The following DNAH6 variants were observed in gnomAD, a reference collection of about 807,000 sequenced individuals.
DNAH6 encodes dynein axonemal heavy chain 6, also known as axonemal beta dynein heavy chain 6.
A neutral mutation model predicts 491.4 loss-of-function variants in DNAH6; 340 were observed. That is an observed-to-expected ratio of 0.69 (90% confidence interval 0.63 to 0.76). DNAH6 has a LOEUF of 0.76. Ranked by LOEUF, DNAH6 falls within the 30% of genes least tolerant of loss-of-function variation. The pLI, the probability that DNAH6 is intolerant of heterozygous loss-of-function variation, is 0.00. For missense variants in DNAH6, 4,443 were observed against 4,972.2 expected (o/e 0.89, Z 3.20); for synonymous variants, 1,603 against 1,686.1 (o/e 0.95, Z 1.21).
chr2:84,483,825 C>T, the DNAH6 span, among the ~76,000 whole-genome samples: 2 of 152,042 alleles, frequency 1.3e-5, no homozygotes, highest in African/African-American at 2.4e-5. Context: ...TATTGTTGGG[C>T]GGGAAGTCCA....
chr2:84,811,796 G>A (rs1680003553), intron 72 of DNAH6, among the ~76,000 whole-genome samples: 1 of 151,656 alleles, frequency 6.6e-6, no homozygotes, highest in Non-Finnish European at 1.5e-5. Context: ...AGGAGGAGGA[G>A]GTTGCAGTGA....
intron 63 of DNAH6, among the ~76,000 whole-genome samples, chr2:84,761,321 G>T (rs1259004531): frequency 6.6e-6 from 1 of 151,764 alleles, no homozygotes; most frequent in Non-Finnish European, 1.5e-5. Flanking sequence ...GACTCAGAGG[G>T]GTGAGAAGGT....
chr2:84,654,949 A>G (rs1289155740), intron 35 of DNAH6, among the ~76,000 whole-genome samples, 167 bp downstream of exon 35: 1 of 151,632 alleles, frequency 6.6e-6, no homozygotes, highest in African/African-American at 2.4e-5. Flanking sequence ...GAATGTTTAT[A>G]TACTCCCCAA....
intron 58 of DNAH6, 123 bp downstream of exon 58, chr2:84,715,750 C>A (rs1203873438): frequency 2.0e-5 from 17 of 866,300 alleles, no homozygotes; most frequent in African/African-American, 1.0e-4. Context: ...AACCCTTAAT[C>A]AAAAAAAAAT....
the DNAH6 span, among the ~76,000 whole-genome samples, chr2:84,509,004 G>A: frequency 6.6e-6 from 1 of 152,102 alleles, no homozygotes; most frequent in East Asian, 1.9e-4. Context: ...GGTCAATTTT[G>A]GAATAAGTGC....
At chr2:84,553,915 C>G (rs1418199975) in intron 10 of DNAH6, among the ~76,000 whole-genome samples, 1 of 152,148 alleles carries the variant, frequency 6.6e-6, no homozygotes, top group East Asian at 1.9e-4. Flanking sequence ...TTCTGTAGGT[C>G]AGGAGCTTCA....
At chr2:84,584,282 CTA>C (rs765566092) in intron 15 of DNAH6, 32 bp downstream of exon 15, 6 of 1,600,286 alleles carry the variant, frequency 3.7e-6, no homozygotes, top group Non-Finnish European at 5.1e-6. Context: ...TAAAAATAAT[CTA>C]TGCAAAGTTT....
At chr2:84,787,709 A>G (rs754860283) in intron 68 of DNAH6, among the ~76,000 whole-genome samples, 13 of 152,238 alleles carry the variant, frequency 8.5e-5, no homozygotes, top group Admixed American at 2.0e-4. Flanking sequence ...GAACCCAAAC[A>G]GTGTAGCCTC....
Position 84,787,180 on chromosome 2 carries a change from G to C in DNAH6, c.11117G>C (p.Gly3706Ala), listed in dbSNP as rs1677282073. The change falls in exon 68 of 77, where the codon GGC becomes GCC. Residue 3706 changes from glycine to alanine, a missense_variant. Around this residue, in one of 3 missense-constraint regions of DNAH6, gnomAD observed 1,463 missense variants for 1,656.6 expected, o/e 0.88. Coordinates refer to ENST00000389394, the MANE Select transcript of DNAH6 (RefSeq NM_001370.2). ...TCATTTTAGGAGAGAAAGAAGTTTG[G>C]CCCCCTTGGTTGGAATATCTGCTAT... ...HAIIQERKKF[G>A]PLGWNICYEF... 1.3e-6 allele frequency: 2 copies of C among 1,515,014 alleles called. No homozygotes were observed. The highest frequency in any genetic ancestry group is 8.8e-7 in the Non-Finnish European group (1 of 1,130,524). 93.8% of individuals were successfully genotyped at this position (1,515,014 alleles called of 1,614,324 possible).
intron 40 of DNAH6, among the ~76,000 whole-genome samples, chr2:84,674,754 G>T (rs753878140): frequency 2.6e-5 from 4 of 152,164 alleles, no homozygotes; most frequent in Non-Finnish European, 4.4e-5. Context: ...CTGACTCAGT[G>T]CCATGGGGAT....
At chr2:84,796,600 T>C (rs1678374855) in intron 69 of DNAH6, among the ~76,000 whole-genome samples, 175 bp downstream of exon 69, 2 of 152,226 alleles carry the variant, frequency 1.3e-5, no homozygotes, top group African/African-American at 2.4e-5. Context: ...ATCACAGAGA[T>C]ACATAGTACA....
chr2:84,637,493 ATT>A, intron 31 of DNAH6, 116 bp downstream of exon 31: 3 of 1,168,330 alleles, frequency 2.6e-6, no homozygotes, highest in Non-Finnish European at 3.5e-6. Flanking sequence ...GTTACACATT[ATT>A]AAGTGTAGAT....
intron 68 of DNAH6, among the ~76,000 whole-genome samples, chr2:84,787,974 A>C (rs1277972785): frequency 6.6e-6 from 1 of 152,156 alleles, no homozygotes; most frequent in Non-Finnish European, 1.5e-5. Flanking sequence ...ACAGAAAGGA[A>C]ATCGATGATT....
intron 18 of DNAH6, among the ~76,000 whole-genome samples, chr2:84,597,938 T>C (rs1684770225): frequency 6.6e-6 from 1 of 151,974 alleles, no homozygotes; most frequent in South Asian, 2.1e-4. Context: ...CTGTACAACA[T>C]AGTGGGACCT....
chr2:84,754,837 G>C (rs2105093289), intron 63 of DNAH6, among the ~76,000 whole-genome samples: 1 of 152,252 alleles, frequency 6.6e-6, no homozygotes. Context: ...CTAAGATTTT[G>C]ATAAGAATGG....
the DNAH6 span, among the ~76,000 whole-genome samples, chr2:84,463,654 A>T: frequency 2.6e-5 from 4 of 151,976 alleles, no homozygotes; most frequent in African/African-American, 9.7e-5. Flanking sequence ...ACAATTAGAG[A>T]TATGTGCGGA....
chr2:84,672,212 T>G, intron 39 of DNAH6, 115 bp from the exon 40 acceptor site: 1 of 1,061,700 alleles, frequency 9.4e-7, no homozygotes, highest in Non-Finnish European at 1.3e-6. Context: ...GACTCAGAAC[T>G]GAGCTCTTTA....
At chr2:84,802,096 C>A (rs903391954) in intron 70 of DNAH6, among the ~76,000 whole-genome samples, 47 of 152,128 alleles carry the variant, frequency 3.1e-4, no homozygotes, top group African/African-American at 9.7e-5. Flanking sequence ...ATACATGTAA[C>A]CACAAAATCA....
chr2:84,712,758 C>T (rs1442194748), intron 56 of DNAH6, among the ~76,000 whole-genome samples: 1 of 152,208 alleles, frequency 6.6e-6, no homozygotes, highest in African/African-American at 2.4e-5. Flanking sequence ...TGAAAATGAA[C>T]AGATCTTCAT....
Sources: gnomAD v4.1 joint callset for allele counts (sites outside exome capture counted in the v4.1 genomes callset) on GRCh38, gnomAD v4.1.1 for gene constraint, gnomAD v4.1.1 regional missense constraint, MANE v1.5 for transcripts, NCBI Gene and HGNC (gene_info 2026-07-23, HGNC 2026-07-21) for gene names.